Variants in NPEPPS observed in about 807,000 individuals in gnomAD.
NPEPPS encodes the protein aminopeptidase puromycin sensitive.
A neutral mutation model predicts 115.5 loss-of-function variants in NPEPPS; 14 were observed. The ratio of observed to expected loss-of-function variants is 0.12; its 90% CI spans 0.08 to 0.19. The LOEUF (loss-of-function observed/expected upper bound fraction) is 0.19. Ranked by LOEUF, NPEPPS falls within the 10% of genes least tolerant of loss-of-function variation. The pLI is 1.00. For synonymous variants in NPEPPS, 285 were observed against 390.6 expected (o/e 0.73, Z 3.19); for missense variants, 523 against 1,110.8 (o/e 0.47, Z 7.52).
At chr17:47,559,671 CTTG>C in intron 2 of NPEPPS, 1 of 455,368 alleles carries the variant, frequency 2.2e-6, no homozygotes, top group Non-Finnish European at 4.4e-6. Flanking sequence ...TGCTTTTCTT[CTTG>C]TTCATCTTTC....
chr17:47,596,801 A>G (rs949770742), intron 13 of NPEPPS, among the ~76,000 whole-genome samples: 2 of 152,126 alleles, frequency 1.3e-5, no homozygotes, highest in Non-Finnish European at 2.9e-5. Flanking sequence ...TAATCCCAAC[A>G]CTCTGGGAGG....
intron 2 of NPEPPS, among the ~76,000 whole-genome samples, chr17:47,567,530 C>T (rs1910901844): frequency 6.6e-6 from 1 of 152,158 alleles, no homozygotes; most frequent in Non-Finnish European, 1.5e-5. Context: ...CTCCCCGCCT[C>T]AATAATAGCT....
At chr17:47,574,484 T>G (rs1911386312) in intron 3 of NPEPPS, among the ~76,000 whole-genome samples, 1 of 152,228 alleles carries the variant, frequency 6.6e-6, no homozygotes. Flanking sequence ...CAGAAACTTC[T>G]AACATGATAG....
chr17:47,553,378 A>G (rs1909783566), intron 2 of NPEPPS, among the ~76,000 whole-genome samples: 1 of 151,984 alleles, frequency 6.6e-6, no homozygotes, highest in South Asian at 2.1e-4. Context: ...TCAAAAAAAA[A>G]AAAAAGATCC....
upstream of NPEPPS, among the ~76,000 whole-genome samples, chr17:47,527,513 A>C (rs1036387375): frequency 5.3e-5 from 8 of 151,886 alleles, no homozygotes; most frequent in Admixed American, 4.6e-4. Flanking sequence ...AAGAAAAAAA[A>C]CAAAATGTTT....
At chr17:47,566,891 A>G (rs1259065196) in intron 2 of NPEPPS, among the ~76,000 whole-genome samples, 41 of 152,188 alleles carry the variant, frequency 2.7e-4, no homozygotes, top group Non-Finnish European at 3.5e-4. Context: ...GCTGGACAAC[A>G]TGGGGAAACC....
At chr17:47,611,147 C>T (rs1018075484) in intron 17 of NPEPPS, among the ~76,000 whole-genome samples, 7 of 152,016 alleles carry the variant, frequency 4.6e-5, no homozygotes, top group South Asian at 2.1e-4. Flanking sequence ...CCACCGCGCC[C>T]GTCCTTTTGT....
intron 2 of NPEPPS, among the ~76,000 whole-genome samples, chr17:47,550,403 C>T (rs1371452486): frequency 6.8e-6 from 1 of 147,438 alleles, no homozygotes; most frequent in Non-Finnish European, 1.5e-5. Flanking sequence ...TGTCGGCTCA[C>T]TGCAACTAGT....
intron 1 of NPEPPS, among the ~76,000 whole-genome samples, chr17:47,545,037 G>T (rs974070236): frequency 1.5e-4 from 22 of 151,340 alleles, no homozygotes; most frequent in Admixed American, 1.4e-3. Context: ...GTCTCACTCT[G>T]TTGTTCAGGC....
intron 17 of NPEPPS, among the ~76,000 whole-genome samples, chr17:47,610,762 T>C (rs1249437704): frequency 1.3e-5 from 2 of 152,214 alleles, no homozygotes; most frequent in East Asian, 1.9e-4. Context: ...GTTATGCACA[T>C]TTGTATACAA....
chr17:47,545,667 A>G (rs1279700322), intron 1 of NPEPPS, among the ~76,000 whole-genome samples: 10 of 151,460 alleles, frequency 6.6e-5, no homozygotes, highest in Admixed American at 5.9e-4. Context: ...TCCCACTTCA[A>G]CCTCCCGAGT....
intron 2 of NPEPPS, among the ~76,000 whole-genome samples, chr17:47,566,501 TTTTG>T (rs1354614477): frequency 6.7e-6 from 1 of 150,238 alleles, no homozygotes; most frequent in Non-Finnish European, 1.5e-5. Context: ...GCTGTAGGTT[TTTTG>T]TTTTTTTTTT....
chr17:47,613,844 A>G, intron 19 of NPEPPS, 119 bp downstream of exon 19: 1 of 672,242 alleles, frequency 1.5e-6, no homozygotes, highest in Non-Finnish European at 2.5e-6. Flanking sequence ...TATTGTAGAC[A>G]TGCAAGTATT....
intron 13 of NPEPPS, among the ~76,000 whole-genome samples, chr17:47,599,379 T>C (rs957748180): frequency 6.6e-6 from 1 of 152,246 alleles, no homozygotes; most frequent in Non-Finnish European, 1.5e-5. Flanking sequence ...ATCTTAAGTC[T>C]GTGTTATTTG....
intron 15 of NPEPPS, chr17:47,603,699 C>A: frequency 2.3e-6 from 1 of 430,472 alleles, no homozygotes; most frequent in Non-Finnish European, 4.1e-6. Context: ...CTGTCCCTCA[C>A]TTTGGCCCTC....
At chr17:47,594,528 A>G (rs1393096212) in intron 12 of NPEPPS, among the ~76,000 whole-genome samples, 1 of 151,304 alleles carries the variant, frequency 6.6e-6, no homozygotes, top group Non-Finnish European at 1.5e-5. Flanking sequence ...CTCCTGCCTC[A>G]GCCTCCTGAG....
At chr17:47,589,045 AG>A (rs1265258593) in intron 9 of NPEPPS, among the ~76,000 whole-genome samples, 1 of 152,010 alleles carries the variant, frequency 6.6e-6, no homozygotes, top group East Asian at 1.9e-4. Flanking sequence ...CCTCCTGAGT[AG>A]CTGCAATTAC....
At chr17:47,615,527 AGCCT>A (rs1376589856) in intron 19 of NPEPPS, among the ~76,000 whole-genome samples, 13 of 152,220 alleles carry the variant, frequency 8.5e-5, no homozygotes, top group African/African-American at 3.1e-4. Flanking sequence ...ACTGCACTCC[AGCCT>A]GCGTGACAGA....
chr17:47,541,574 A>G (rs553323617), intron 1 of NPEPPS, among the ~76,000 whole-genome samples: 2 of 152,016 alleles, frequency 1.3e-5, no homozygotes, highest in Non-Finnish European at 2.9e-5. Flanking sequence ...ATGGGGTTTC[A>G]CCATGTTAGC....
Sources: allele counts gnomAD v4.1 joint callset (sites outside exome capture counted in the v4.1 genomes callset), GRCh38; gene constraint gnomAD v4.1.1; transcripts MANE v1.5; gene names NCBI Gene and HGNC (gene_info 2026-07-23, HGNC 2026-07-21).